Variants in BCL2 observed in about 807,000 individuals in gnomAD.
BCL2 encodes the protein apoptosis regulator Bcl-2.
A neutral mutation model predicts 14.2 loss-of-function variants in BCL2; 1 was observed. The observed-to-expected ratio is 0.07, with a 90% CI of 0.02 to 0.33. The LOEUF (loss-of-function observed/expected upper bound fraction) is 0.33. BCL2 is among the 10% of genes least tolerant of loss of function. The pLI, the probability that BCL2 is intolerant of heterozygous loss-of-function variation, is 0.99. For missense variants in BCL2, 247 were observed against 305.9 expected (o/e 0.81, Z 1.44); for synonymous variants, 151 against 137.2 (o/e 1.10, Z -0.70).
At chr18:63,271,537 T>A (rs1167099948) in intron 2 of BCL2, among the ~76,000 whole-genome samples, 1 of 152,206 alleles carries the variant, frequency 6.6e-6, no homozygotes, top group African/African-American at 2.4e-5. Context: ...ATGGATGAAC[T>A]CGCCGATTCA....
chr18:63,220,436 A>G (rs1223865287), intron 2 of BCL2, among the ~76,000 whole-genome samples: 1 of 152,176 alleles, frequency 6.6e-6, no homozygotes, highest in Non-Finnish European at 1.5e-5. Context: ...TCCATACAAC[A>G]TCGGTGGTTT....
intron 2 of BCL2, among the ~76,000 whole-genome samples, chr18:63,130,991 A>G (rs1914052195): frequency 6.6e-6 from 1 of 152,050 alleles, no homozygotes; most frequent in South Asian, 2.1e-4. Context: ...ACATTTGGCA[A>G]TGTTTGGAAG....
intron 2 of BCL2, among the ~76,000 whole-genome samples, chr18:63,129,592 A>AATCTT (rs1914010186): frequency 6.6e-6 from 1 of 152,290 alleles, no homozygotes; most frequent in Non-Finnish European, 1.5e-5. Flanking sequence ...TCTTTGTACC[A>AATCTT]ATCTTATGAA....
At chr18:63,241,906 CTA>C (rs1330953513) in intron 2 of BCL2, among the ~76,000 whole-genome samples, 1 of 152,210 alleles carries the variant, frequency 6.6e-6, no homozygotes, top group Non-Finnish European at 1.5e-5. Flanking sequence ...GTGGCCGACA[CTA>C]ATAGGATGCA....
intron 2 of BCL2, among the ~76,000 whole-genome samples, chr18:63,226,189 G>C (rs971263801): frequency 6.6e-6 from 1 of 152,158 alleles, no homozygotes; most frequent in African/African-American, 2.4e-5. Flanking sequence ...TCTCTCCAAC[G>C]TCCAACTGTA....
chr18:63,243,609 T>C (rs1911074852), intron 2 of BCL2, among the ~76,000 whole-genome samples: 1 of 152,098 alleles, frequency 6.6e-6, no homozygotes, highest in African/African-American at 2.4e-5. Flanking sequence ...TGTCCCAGGG[T>C]GAGGGCTGAA....
At chr18:63,233,371 A>G (rs1311188324) in intron 2 of BCL2, among the ~76,000 whole-genome samples, 3 of 152,184 alleles carry the variant, frequency 2.0e-5, no homozygotes, top group African/African-American at 7.2e-5. Context: ...TGATAACATT[A>G]CCATTCGTTT....
intron 2 of BCL2, among the ~76,000 whole-genome samples, chr18:63,310,539 C>T (rs111851279): frequency 4.9e-4 from 75 of 152,312 alleles, no homozygotes; most frequent in African/African-American, 1.8e-3. Context: ...GATTTGTATC[C>T]TTGTCTTGGT....
intron 2 of BCL2, among the ~76,000 whole-genome samples, chr18:63,276,007 C>G (rs951433063): frequency 1.3e-5 from 2 of 152,174 alleles, no homozygotes; most frequent in Admixed American, 6.5e-5. Flanking sequence ...CAGCCAACAC[C>G]TGTTATTGTA....
chr18:63,160,933 A>G (rs1914904917), intron 2 of BCL2, among the ~76,000 whole-genome samples: 2 of 152,114 alleles, frequency 1.3e-5, no homozygotes. Context: ...CTGGGTATTC[A>G]TTTCTCATAA....
chr18:63,215,987 G>T (rs1437454810), intron 2 of BCL2, among the ~76,000 whole-genome samples: 2 of 152,134 alleles, frequency 1.3e-5, no homozygotes, highest in Non-Finnish European at 2.9e-5. Context: ...CCCCAGAGGA[G>T]GTGCAAGCAG....
At chr18:63,209,040 G>A (rs893601816) in intron 2 of BCL2, among the ~76,000 whole-genome samples, 1 of 152,200 alleles carries the variant, frequency 6.6e-6, no homozygotes, top group African/African-American at 2.4e-5. Context: ...TCCCCAAAAG[G>A]TCTGATTAAT....
At chr18:63,276,901 G>T (rs1386751167) in intron 2 of BCL2, among the ~76,000 whole-genome samples, 1 of 152,206 alleles carries the variant, frequency 6.6e-6, no homozygotes, top group Non-Finnish European at 1.5e-5. Flanking sequence ...GGTTTGTAAT[G>T]ATGTGGGTAG....
chr18:63,197,171 T>A (rs1049608728), intron 2 of BCL2, among the ~76,000 whole-genome samples: 2 of 152,238 alleles, frequency 1.3e-5, no homozygotes, highest in Non-Finnish European at 2.9e-5. Context: ...GGAAATCGAT[T>A]TGAAGGGTTT....
At chr18:63,309,530 G>A (rs114666853) in intron 2 of BCL2, among the ~76,000 whole-genome samples, 4,253 of 152,244 alleles carry the variant, frequency 0.028, 207 homozygotes, top group African/African-American at 0.098. Flanking sequence ...CCTGCTGTCA[G>A]TCCTTTGATT....
intron 2 of BCL2, among the ~76,000 whole-genome samples, chr18:63,135,335 T>C (rs905631343): frequency 1.3e-5 from 2 of 152,334 alleles, no homozygotes; most frequent in African/African-American, 4.8e-5. Flanking sequence ...CATCTGGGCT[T>C]CCAAGTGGTG....
intron 2 of BCL2, among the ~76,000 whole-genome samples, chr18:63,141,130 C>T (rs1914347399): frequency 6.6e-6 from 1 of 152,206 alleles, no homozygotes; most frequent in Non-Finnish European, 1.5e-5. Context: ...CAATTTTCCT[C>T]ATCTGAAAAC....
intron 2 of BCL2, among the ~76,000 whole-genome samples, chr18:63,201,930 A>G (rs1157901580): frequency 6.6e-6 from 1 of 152,128 alleles, no homozygotes; most frequent in African/African-American, 2.4e-5. Context: ...ATACCTATGT[A>G]AGAAGCCTGC....
At chr18:63,286,500 T>C (rs928533518) in intron 2 of BCL2, among the ~76,000 whole-genome samples, 1 of 150,184 alleles carries the variant, frequency 6.7e-6, no homozygotes, top group Non-Finnish European at 1.5e-5. Flanking sequence ...AGGGCAGGAG[T>C]AGGGGCGAGG....
Sources: gnomAD v4.1 joint callset for allele counts (sites outside exome capture counted in the v4.1 genomes callset) on GRCh38, gnomAD v4.1.1 for gene constraint, MANE v1.5 for transcripts, NCBI Gene and HGNC (gene_info 2026-07-23, HGNC 2026-07-21) for gene names.